Variants in NPEPL1 observed in about 807,000 individuals in gnomAD.
The protein encoded by NPEPL1 is probable aminopeptidase NPEPL1.
Under a neutral mutation model 52.4 loss-of-function variants are expected in NPEPL1, and 45 were observed. The ratio of observed to expected loss-of-function variants is 0.86; its 90% confidence interval spans 0.68 to 1.10. NPEPL1 has a LOEUF of 1.10. NPEPL1 is among the 50% of genes least tolerant of loss of function. NPEPL1 has a pLI of 0.00. For synonymous variants in NPEPL1, 360 were observed against 314.7 expected (o/e 1.14, Z -1.52); for missense variants, 696 against 710.9 (o/e 0.98, Z 0.24).
intron 7 of NPEPL1, among the ~76,000 whole-genome samples, chr20:58,708,014 G>A (rs1489056869): frequency 6.6e-6 from 1 of 152,194 alleles, no homozygotes; most frequent in Non-Finnish European, 1.5e-5. Context: ...AGCCCGGGAG[G>A]TTGAGGCTGC....
upstream of NPEPL1, among the ~76,000 whole-genome samples, chr20:58,689,852 T>G (rs2084318766): frequency 6.6e-6 from 1 of 151,866 alleles, no homozygotes; most frequent in Non-Finnish European, 1.5e-5. Context: ...CGCTATTGCG[T>G]CCCCAAAGCC....
chr20:58,696,125 A>G (rs1297828519), intron 3 of NPEPL1, among the ~76,000 whole-genome samples: 1 of 152,202 alleles, frequency 6.6e-6, no homozygotes, highest in East Asian at 1.9e-4. Context: ...CCGGGGGCTC[A>G]AGCATCACCC....
chr20:58,689,222 A>G (rs1250396279), upstream of NPEPL1: 1 of 151,940 alleles, frequency 6.6e-6, no homozygotes, highest in African/African-American at 2.4e-5. Flanking sequence ...GTCAGTATAT[A>G]TTTTATGCGC....
At chr20:58,710,837 C>T (rs914062763) in intron 7 of NPEPL1, 11 of 152,318 alleles carry the variant, frequency 7.2e-5, no homozygotes, top group South Asian at 4.1e-4. Flanking sequence ...CTCTGTCTCA[C>T]GTCTTCCAGC....
chr20:58,714,093 G>C lies in NPEPL1; in HGVS notation c.1302G>C (p.Ala434=), dbSNP rs558691244. 6.5e-7 allele frequency: 1 copy of C among 1,544,114 alleles called. No homozygotes were observed. Among genetic ancestry groups the C allele is most frequent in the Non-Finnish European group, 8.7e-7 (1 of 1,145,982 alleles). The change falls in exon 10 of 12, where the codon GCG becomes GCC. Residue 434 remains alanine, a splice_region_variant and synonymous_variant. Coordinates refer to ENST00000356091, the MANE Select transcript of NPEPL1 (RefSeq NM_024663.4). ...SAVADMKNSV[A]DRDNSPSSCA... Reference sequence around the variant, plus strand: ...TGGCGGACATGAAGAACTCAGTGGCGGTAGGTTTGGAGCCTCGAACCTGGA... The same window carrying C: ...TGGCGGACATGAAGAACTCAGTGGCCGTAGGTTTGGAGCCTCGAACCTGGA...
chr20:58,703,829 T>A, intron 6 of NPEPL1: 1 of 984,896 alleles, frequency 1.0e-6, no homozygotes, highest in Non-Finnish European at 1.2e-6. Context: ...CTGGTAGAAC[T>A]GCCAGAGAGT....
rs1457775003 is a variant in NPEPL1 at position 58,713,528 on chromosome 20, C to A, written c.1110C>A (p.Thr370=). ...LGADIILDMA[T]LTGAQGIATG... ...CCGACATCATCCTGGACATGGCCACCCTGACCGGGGCTCAGGTGAGTGCTC... is the reference window on the plus strand; with the variant it reads ...CCGACATCATCCTGGACATGGCCACACTGACCGGGGCTCAGGTGAGTGCTC... The change falls in exon 9 of 12, where the codon ACC becomes ACA. Residue 370 remains threonine, a synonymous_variant. Coordinates refer to ENST00000356091, the MANE Select transcript of NPEPL1 (RefSeq NM_024663.4). This position sits in a 1 kb window ranked among gnomAD's most constrained non-coding sequence, Gnocchi z 4.6. 6.2e-6 allele frequency: 10 copies of A among 1,607,812 alleles called. No homozygotes were observed. Among genetic ancestry groups the A allele is most frequent in the Non-Finnish European group, 8.5e-6 (10 of 1,176,718 alleles).
In NPEPL1 at chr20:58,694,400, G is replaced by T. The variant is rs770765775; in HGVS notation, c.337-22G>T. ...TGGTGGCGGCCCTTGCACCCCTCAC[G>T]CCGTCTCCCTATGTGCCACAGATGG... On this transcript the variant is annotated intron_variant, in intron 2 of 11. Coordinates refer to ENST00000356091, the MANE Select transcript of NPEPL1 (RefSeq NM_024663.4). 11 of 1,586,892 alleles carry T rather than the reference G, an allele frequency of 6.9e-6. No homozygotes were observed. In the South Asian group the frequency reaches 1.1e-4, roughly 17 times the overall value.
chr20:58,708,474 C>G (rs2084777056), intron 7 of NPEPL1, among the ~76,000 whole-genome samples: 1 of 151,870 alleles, frequency 6.6e-6, no homozygotes, highest in Non-Finnish European at 1.5e-5. Flanking sequence ...GGCTGTTTCT[C>G]TCGTGCTGAG....
In NPEPL1 at chr20:58,695,709, A is replaced by G. The variant is rs113429067; in HGVS notation, c.507+1117A>G. On this transcript the variant is annotated intron_variant, in intron 3 of 11. Coordinates refer to ENST00000356091, the MANE Select transcript of NPEPL1 (RefSeq NM_024663.4). ...CCTGTAACCACTGCCCCTCAACCCA[A>G]ATTCTTCCATCTTCACCAGCATGAG... Among the ~76,000 whole-genome samples, 24 of 151,980 alleles carry G rather than the reference A, an allele frequency of 1.6e-4. 1 individual carries two copies. The highest frequency in any genetic ancestry group is 5.1e-4 in the African/African-American group (21 of 41,438).
upstream of NPEPL1, among the ~76,000 whole-genome samples, chr20:58,689,803 A>G (rs770154102): frequency 6.8e-6 from 1 of 146,864 alleles, no homozygotes; most frequent in Non-Finnish European, 1.5e-5. Flanking sequence ...CCACACACAC[A>G]TATGCGTGCA....
chr20:58,693,151 G>C, intron 1 of NPEPL1, 101 bp downstream of exon 1: 1 of 854,124 alleles, frequency 1.2e-6, no homozygotes. Context: ...CGCCGCCGCC[G>C]GGCCGGGCCC....
At chr20:58,714,981 T>C in intron 11 of NPEPL1, 187 bp from the exon 12 acceptor site, 1 of 697,930 alleles carries the variant, frequency 1.4e-6, no homozygotes, top group South Asian at 2.0e-5. Flanking sequence ...ACGCCTGGCC[T>C]GCCAGCCCTG....
At chr20:58,699,427 G>C in intron 5 of NPEPL1, 149 bp downstream of exon 5, 1 of 653,018 alleles carries the variant, frequency 1.5e-6, no homozygotes, top group Non-Finnish European at 2.6e-6. Context: ...TCCAAGCCCA[G>C]TGCCGGACCC....
intron 6 of NPEPL1, among the ~76,000 whole-genome samples, chr20:58,702,394 C>T (rs6026455): frequency 0.31 from 47,737 of 152,172 alleles, 11,097 homozygotes; most frequent in African/African-American, 0.66. Flanking sequence ...TTCAGGGTGG[C>T]GCTGGTGCAG....
chr20:58,701,872 T>G (rs2084631567), intron 6 of NPEPL1, among the ~76,000 whole-genome samples: 1 of 152,164 alleles, frequency 6.6e-6, no homozygotes, highest in Non-Finnish European at 1.5e-5. Flanking sequence ...TACGGCTTTC[T>G]GTCCTGCCAT....
intron 3 of NPEPL1, among the ~76,000 whole-genome samples, chr20:58,695,928 C>T (rs896006597): frequency 6.6e-6 from 1 of 152,150 alleles, no homozygotes; most frequent in Non-Finnish European, 1.5e-5. Context: ...AGAGGTCTCC[C>T]TCCCTCCCGC....
chr20:58,706,597 C>A (rs1288892022), intron 6 of NPEPL1, among the ~76,000 whole-genome samples: 1 of 152,172 alleles, frequency 6.6e-6, no homozygotes, highest in African/African-American at 2.4e-5. Flanking sequence ...CGCAAGCCCA[C>A]CCAGGTCCCT....
chr20:58,689,906 A>G (rs532933331), upstream of NPEPL1, among the ~76,000 whole-genome samples: 1 of 152,332 alleles, frequency 6.6e-6, no homozygotes, highest in South Asian at 2.1e-4. Flanking sequence ...CAACAAATGT[A>G]TGTCAAATGA....
Sources: gnomAD v4.1 joint callset for allele counts (sites outside exome capture counted in the v4.1 genomes callset) on GRCh38, gnomAD v4.1.1 for gene constraint, Gnocchi (gnomAD v3.1) non-coding constraint, MANE v1.5 for transcripts, NCBI Gene and HGNC (gene_info 2026-07-23, HGNC 2026-07-21) for gene names.